Variants in TNRC6A observed in about 807,000 individuals in gnomAD.
TNRC6A encodes trinucleotide repeat-containing gene 6A protein.
A neutral mutation model predicts 221.2 loss-of-function variants in TNRC6A; 44 were observed. The observed-to-expected ratio is 0.20, with a 90% CI of 0.16 to 0.26. The LOEUF (loss-of-function observed/expected upper bound fraction) is 0.26, where lower values mean the gene tolerates loss of function less well. Among genes scored for constraint, TNRC6A ranks in the 10% least tolerant of loss-of-function variants. TNRC6A has a pLI of 1.00. For synonymous variants in TNRC6A, 847 were observed against 838.5 expected (o/e 1.01, Z -0.18); for missense variants, 2,199 against 2,404.4 (o/e 0.91, Z 1.79).
chr16:24,673,982 C>T (rs1340682645), intron 2 of TNRC6A, among the ~76,000 whole-genome samples: 1 of 152,216 alleles, frequency 6.6e-6, no homozygotes, highest in Non-Finnish European at 1.5e-5. Flanking sequence ...CTCAGAAGAG[C>T]TTGGCATCAG....
intron 5 of TNRC6A, among the ~76,000 whole-genome samples, chr16:24,788,289 A>G (rs544593265): frequency 6.6e-6 from 1 of 152,294 alleles, no homozygotes; most frequent in African/African-American, 2.4e-5. Flanking sequence ...CTTTTATATA[A>G]ATGTGGTTAG....
intron 1 of TNRC6A, among the ~76,000 whole-genome samples, chr16:24,626,887 C>T (rs560590925): frequency 6.6e-6 from 1 of 150,770 alleles, no homozygotes; most frequent in South Asian, 2.1e-4. Context: ...CTCCTGACCT[C>T]GTGATCCACC....
At chr16:24,814,790 G>T (rs1382562388) in intron 18 of TNRC6A, among the ~76,000 whole-genome samples, 1 of 152,020 alleles carries the variant, frequency 6.6e-6, no homozygotes, top group African/African-American at 2.4e-5. Context: ...TCATGATGTT[G>T]TGTAGCCATC....
At chr16:24,750,033 G>A (rs945072493) in intron 2 of TNRC6A, among the ~76,000 whole-genome samples, 4 of 152,072 alleles carry the variant, frequency 2.6e-5, no homozygotes, top group African/African-American at 9.7e-5. Context: ...CCGGCTACTC[G>A]GGAGGCTGAG....
At chr16:24,793,142 C>T (rs1402780006) in intron 6 of TNRC6A, among the ~76,000 whole-genome samples, 1 of 152,154 alleles carries the variant, frequency 6.6e-6, no homozygotes, top group Non-Finnish European at 1.5e-5. Context: ...CTCCAATTTA[C>T]AAGGTTTGGT....
intron 5 of TNRC6A, among the ~76,000 whole-genome samples, chr16:24,785,828 C>T (rs532686341): frequency 2.3e-4 from 35 of 152,242 alleles, no homozygotes; most frequent in African/African-American, 8.2e-4. Flanking sequence ...ATAGTGGCAG[C>T]AGAAATACGT....
rs1221579955 is a variant in TNRC6A, at chr16:24,729,672, GCGGCGGCGGTGT to G, written c.-160_-149del. ...ATTCACTTCCGGTCTGGGGCCTGCG[GCGGCGGCGGTGT>G]CGGCGGCGGCGGCGGCGGCGGCGGC... On this transcript the variant is annotated 5_prime_UTR_variant, in exon 1 of 25. Coordinates refer to ENST00000395799, the MANE Select transcript of TNRC6A (RefSeq NM_014494.4). The G allele has an allele frequency of 4.4e-5, 31 of 701,108 alleles. No individual in the cohort carries two copies. The highest frequency in any genetic ancestry group is 6.2e-5 in the African/African-American group (3 of 48,354). 43.4% of individuals were successfully genotyped at this position (701,108 alleles called of 1,614,324 possible).
intron 2 of TNRC6A, among the ~76,000 whole-genome samples, chr16:24,688,991 A>C (rs1393545756): frequency 6.6e-6 from 1 of 152,168 alleles, no homozygotes; most frequent in East Asian, 1.9e-4. Flanking sequence ...TCTTGAGCCC[A>C]GGAGTTCGGG....
At chr16:24,667,140 A>G (rs1210047450) in intron 2 of TNRC6A, among the ~76,000 whole-genome samples, 1 of 152,128 alleles carries the variant, frequency 6.6e-6, no homozygotes, top group Non-Finnish European at 1.5e-5. Flanking sequence ...AAATAAAAAG[A>G]ACACCACTCT....
intron 2 of TNRC6A, among the ~76,000 whole-genome samples, chr16:24,700,426 G>T (rs1162888598): frequency 6.6e-6 from 1 of 151,996 alleles, no homozygotes; most frequent in East Asian, 1.9e-4. Context: ...AGTAGAGACA[G>T]GTTTCACCAT....
chr16:24,792,809 G>A (rs2058138037), intron 6 of TNRC6A, among the ~76,000 whole-genome samples: 1 of 135,266 alleles, frequency 7.4e-6, no homozygotes, highest in African/African-American at 2.8e-5. Flanking sequence ...TTTTTTTGGA[G>A]ATGGAGGCTT....
At chr16:24,689,319 T>C (rs2055703331) in intron 2 of TNRC6A, among the ~76,000 whole-genome samples, 1 of 152,288 alleles carries the variant, frequency 6.6e-6, no homozygotes, top group Middle Eastern at 3.4e-3. Context: ...AAGAGCCCTC[T>C]GGTGGCAGCG....
At chr16:24,621,756 T>C (rs1177457380) in intron 1 of TNRC6A, among the ~76,000 whole-genome samples, 1 of 152,128 alleles carries the variant, frequency 6.6e-6, no homozygotes, top group Non-Finnish European at 1.5e-5. Flanking sequence ...TTAACAAAAA[T>C]AGCTTAATCA....
At chr16:24,675,371 G>A (rs1465112933) in intron 2 of TNRC6A, among the ~76,000 whole-genome samples, 2 of 151,892 alleles carry the variant, frequency 1.3e-5, no homozygotes, top group African/African-American at 2.4e-5. Flanking sequence ...GGATACAGAT[G>A]CATTTTAGCT....
At chr16:24,650,676 A>G (rs1326932017) in intron 2 of TNRC6A, among the ~76,000 whole-genome samples, 1 of 152,008 alleles carries the variant, frequency 6.6e-6, no homozygotes, top group Non-Finnish European at 1.5e-5. Flanking sequence ...AAAAAAAAAA[A>G]AGAAAGAAAG....
chr16:24,741,634 A>C (rs2056894826), intron 2 of TNRC6A, among the ~76,000 whole-genome samples: 1 of 152,110 alleles, frequency 6.6e-6, no homozygotes, highest in South Asian at 2.1e-4. Flanking sequence ...CTGGTTTGCA[A>C]TCTGGGACCT....
intron 2 of TNRC6A, among the ~76,000 whole-genome samples, chr16:24,720,590 C>T (rs1011339910): frequency 6.7e-6 from 1 of 148,838 alleles, no homozygotes; most frequent in African/African-American, 2.5e-5. Context: ...ACTCAGGAGG[C>T]TGAGGCAGGA....
At chr16:24,683,654 G>A (rs758452499) in intron 2 of TNRC6A, among the ~76,000 whole-genome samples, 20 of 152,176 alleles carry the variant, frequency 1.3e-4, no homozygotes, top group Admixed American at 1.2e-3. Context: ...TAAACTGCCC[G>A]AGTTCAAGTC....
chr16:24,675,714 A>C (rs1407066331), intron 2 of TNRC6A, among the ~76,000 whole-genome samples: 2,014 of 105,306 alleles, frequency 0.019, 21 homozygotes, highest in African/African-American at 0.033. Flanking sequence ...ATATATATAT[A>C]TATATATATA....
Sources: allele counts gnomAD v4.1 joint callset (sites outside exome capture counted in the v4.1 genomes callset), GRCh38; gene constraint gnomAD v4.1.1; transcripts MANE v1.5; gene names NCBI Gene and HGNC (gene_info 2026-07-23, HGNC 2026-07-21).